The following DLG2 variants were observed in gnomAD, a reference collection of about 807,000 sequenced individuals.
DLG2 encodes the protein discs large MAGUK scaffold protein 2.
DLG2 carries 45 observed loss-of-function variants against 132.5 expected under a neutral mutation model. The ratio of observed to expected loss-of-function variants is 0.34; its 90% CI spans 0.27 to 0.44. DLG2 has a LOEUF of 0.44. Ranked by LOEUF, DLG2 falls within the 20% of genes least tolerant of loss-of-function variation. DLG2 has a pLI of 1.00. For synonymous variants in DLG2, 424 were observed against 419.6 expected (o/e 1.01, Z -0.13); for missense variants, 1,045 against 1,196.9 (o/e 0.87, Z 1.87).
chr11:83,907,833 T>A (rs917338217), intron 15 of DLG2, among the ~76,000 whole-genome samples: 3 of 152,152 alleles, frequency 2.0e-5, no homozygotes, highest in African/African-American at 7.2e-5. Context: ...TAGTTTATGG[T>A]TTTGGCCTTG....
At chr11:84,035,742 G>A (rs1287700478) in intron 11 of DLG2, among the ~76,000 whole-genome samples, 1 of 152,174 alleles carries the variant, frequency 6.6e-6, no homozygotes, top group Non-Finnish European at 1.5e-5. Context: ...AGACTGTAGA[G>A]GGTGCAAAGT....
chr11:85,466,901 A>G (rs2092810336), intron 3 of DLG2, among the ~76,000 whole-genome samples: 1 of 152,198 alleles, frequency 6.6e-6, no homozygotes, highest in South Asian at 2.1e-4. Flanking sequence ...TACCTTGGGC[A>G]GTATGGTCAT....
intron 6 of DLG2, among the ~76,000 whole-genome samples, chr11:84,675,478 A>G (rs886680191): frequency 1.3e-5 from 2 of 152,072 alleles, no homozygotes; most frequent in African/African-American, 4.8e-5. Context: ...CACAAGTGGA[A>G]TTCAGCCTTA....
At chr11:84,131,570 T>C (rs552762502) in intron 9 of DLG2, among the ~76,000 whole-genome samples, 4 of 152,030 alleles carry the variant, frequency 2.6e-5, no homozygotes, top group Admixed American at 6.6e-5. Flanking sequence ...ATTAGGGCAC[T>C]AGGATCATAA....
At chr11:84,970,410 C>G (rs1338807834) in intron 6 of DLG2, among the ~76,000 whole-genome samples, 1 of 152,156 alleles carries the variant, frequency 6.6e-6, no homozygotes, top group Non-Finnish European at 1.5e-5. Context: ...GTGTCCCTGT[C>G]TTAGTCCATT....
intron 18 of DLG2, among the ~76,000 whole-genome samples, chr11:83,649,686 T>C (rs2153513632): frequency 6.6e-6 from 1 of 152,046 alleles, no homozygotes; most frequent in East Asian, 1.9e-4. Flanking sequence ...TTGCATGTAA[T>C]TTGGAATTTG....
chr11:85,349,346 T>C (rs1036179608), intron 3 of DLG2, among the ~76,000 whole-genome samples: 5 of 152,106 alleles, frequency 3.3e-5, no homozygotes, highest in Admixed American at 2.0e-4. Flanking sequence ...TTCTATCCAC[T>C]ACCTGTTACC....
At chr11:84,041,077 C>T (rs2096066050) in intron 11 of DLG2, among the ~76,000 whole-genome samples, 1 of 151,678 alleles carries the variant, frequency 6.6e-6, no homozygotes, top group Admixed American at 6.6e-5. Context: ...ATTTTGTATC[C>T]TGAGACTTTG....
intron 9 of DLG2, among the ~76,000 whole-genome samples, chr11:84,130,580 C>G (rs1595842340): frequency 8.0e-6 from 1 of 125,040 alleles, no homozygotes. Context: ...CACACATAGA[C>G]ACACACACAC....
At chr11:84,304,772 T>C (rs2098196648) in intron 7 of DLG2, among the ~76,000 whole-genome samples, 1 of 152,250 alleles carries the variant, frequency 6.6e-6, no homozygotes, top group Admixed American at 6.5e-5. Flanking sequence ...GCTCTGGAGC[T>C]ACACAAAACG....
intron 6 of DLG2, among the ~76,000 whole-genome samples, chr11:84,973,019 G>A (rs146939469): frequency 0.014 from 2,091 of 150,536 alleles, 48 homozygotes; most frequent in African/African-American, 0.047. Flanking sequence ...GGGCAGTGGC[G>A]CGATCTCAGC....
At chr11:84,917,555 A>G (rs2092545453) in intron 6 of DLG2, among the ~76,000 whole-genome samples, 1 of 152,188 alleles carries the variant, frequency 6.6e-6, no homozygotes, top group Non-Finnish European at 1.5e-5. Context: ...ATAAAATAAT[A>G]ATGATCAAAA....
chr11:84,147,650 A>T (rs1418744512), intron 9 of DLG2, among the ~76,000 whole-genome samples: 1 of 152,176 alleles, frequency 6.6e-6, no homozygotes, highest in Non-Finnish European at 1.5e-5. Context: ...GATTCCACTT[A>T]TATACTTAAC....
chr11:83,982,684 GTTCT>G (rs990182137), intron 11 of DLG2, among the ~76,000 whole-genome samples: 5 of 152,038 alleles, frequency 3.3e-5, no homozygotes, highest in Admixed American at 6.6e-5. Context: ...AGTGTACAGT[GTTCT>G]TTAAGTCTAC....
intron 7 of DLG2, among the ~76,000 whole-genome samples, chr11:84,265,591 T>C (rs10792746): frequency 0.71 from 107,995 of 151,980 alleles, 38,705 homozygotes; most frequent in South Asian, 0.83. Flanking sequence ...ACTATGAAGA[T>C]GATAAAACTC....
intron 6 of DLG2, among the ~76,000 whole-genome samples, chr11:85,054,110 C>T (rs576110746): frequency 2.0e-5 from 3 of 151,510 alleles, no homozygotes; most frequent in Admixed American, 1.3e-4. Flanking sequence ...AATAAAAATA[C>T]AAAATTTAGC....
At chr11:83,723,276 A>G (rs1395342907) in intron 18 of DLG2, among the ~76,000 whole-genome samples, 2 of 152,160 alleles carry the variant, frequency 1.3e-5, no homozygotes, top group Admixed American at 1.3e-4. Flanking sequence ...GCTACTTGGG[A>G]GGCTGAGGCA....
At chr11:84,217,312 A>C (rs1204093152) in intron 8 of DLG2, among the ~76,000 whole-genome samples, 1 of 152,136 alleles carries the variant, frequency 6.6e-6, no homozygotes, top group Non-Finnish European at 1.5e-5. Context: ...GAAGTAATTG[A>C]ATCATGGGGG....
At chr11:84,245,227 T>C (rs2097287029) in intron 8 of DLG2, among the ~76,000 whole-genome samples, 1 of 151,972 alleles carries the variant, frequency 6.6e-6, no homozygotes. Context: ...GTGTTCAGCC[T>C]TTTTTTTGGT....
Sources: gnomAD v4.1 joint callset for allele counts (sites outside exome capture counted in the v4.1 genomes callset) on GRCh38, gnomAD v4.1.1 for gene constraint, MANE v1.5 for transcripts, NCBI Gene and HGNC (gene_info 2026-07-23, HGNC 2026-07-21) for gene names.